RRM1: variants seen among roughly 807,000 people sequenced by gnomAD.
RRM1 encodes ribonucleoside-diphosphate reductase large subunit.
A neutral mutation model predicts 101.5 loss-of-function variants in RRM1; 19 were observed. That is an observed-to-expected ratio of 0.19 (90% CI 0.13 to 0.27). RRM1 has a LOEUF of 0.27. Ranked by LOEUF, RRM1 falls within the 10% of genes least tolerant of loss-of-function variation. The pLI is 1.00. For missense variants in RRM1, 500 were observed against 962.9 expected (o/e 0.52, Z 6.36); for synonymous variants, 298 against 323.4 (o/e 0.92, Z 0.84).
intron 12 of RRM1, among the ~76,000 whole-genome samples, chr11:4,124,823 C>G (rs2133312287): frequency 7.3e-6 from 1 of 136,330 alleles, no homozygotes. Context: ...ATGTACAATT[C>G]AGTGTTTTTT....
rs1007969856 is a variant in RRM1, at chr11:4,133,476, G to A, written c.1906-87G>A. On this transcript the variant is annotated intron_variant, in intron 16 of 18. Transcript: ENST00000300738. ...ATCTAGCATTAAATAACTCTTAAGTGATTTTAGTTTAAGCTTCAAAGCTGT... is the reference window on the plus strand; with the variant it reads ...ATCTAGCATTAAATAACTCTTAAGTAATTTTAGTTTAAGCTTCAAAGCTGT... 37 of 744,662 alleles carry A rather than the reference G, an allele frequency of 5.0e-5. No individual in the cohort carries two copies. In the African/African-American group the frequency reaches 5.9e-4, roughly 12 times the overall value. 46.1% of individuals were successfully genotyped at this position (744,662 alleles called of 1,614,324 possible). A position where few individuals can be genotyped will look rare whatever the true frequency, so the allele number is the denominator to read the frequency against.
intron 15 of RRM1, among the ~76,000 whole-genome samples, chr11:4,131,025 T>G (rs2094599221): frequency 6.6e-6 from 1 of 152,204 alleles, no homozygotes; most frequent in Non-Finnish European, 1.5e-5. Context: ...CCCAGTTGTA[T>G]TAGTCGATTC....
intron 1 of RRM1, 69 bp downstream of exon 1, chr11:4,095,100 C>T (rs2094541439): frequency 2.2e-6 from 3 of 1,366,086 alleles, no homozygotes; most frequent in Non-Finnish European, 9.9e-7. Flanking sequence ...GGAGCTGATG[C>T]CCAGACCGCC....
chr11:4,124,776 C>G (rs529479077), intron 12 of RRM1, among the ~76,000 whole-genome samples: 16 of 152,090 alleles, frequency 1.1e-4, no homozygotes, highest in Non-Finnish European at 1.9e-4. Context: ...AGAGTTCTTT[C>G]TTTTTGCAAA....
In RRM1 at chr11:4,128,161, C is replaced by CT. The variant is rs146980476; in HGVS notation, c.1693-895dup. On this transcript the variant is annotated intron_variant, in intron 14 of 18. Coordinates refer to ENST00000300738, the MANE Select transcript of RRM1 (RefSeq NM_001033.5). ...ATGTCCTCACCACCCCCCTGTCCCG[C>CT]TTTTTTTTTTTTTTTTTTGAGACAG... 6.3e-3 allele frequency among the ~76,000 whole-genome samples: 836 copies of CT among 133,004 alleles called. 3 individuals are homozygous for CT. The highest frequency in any genetic ancestry group is 9.9e-3 in the African/African-American group (351 of 35,488). The allele number at this position is 133,004 out of a possible 152,430, so 87.3% of individuals were successfully genotyped here. A position where few individuals can be genotyped will look rare whatever the true frequency, so the allele number is the denominator to read the frequency against.
chr11:4,108,556 C>G (rs868685577), intron 4 of RRM1, among the ~76,000 whole-genome samples: 1 of 137,300 alleles, frequency 7.3e-6, no homozygotes, highest in African/African-American at 2.7e-5. Context: ...CGAGATTGGG[C>G]CACTGCACTC....
intron 7 of RRM1, among the ~76,000 whole-genome samples, chr11:4,113,232 C>T (rs11031004): frequency 0.044 from 6,669 of 152,100 alleles, 272 homozygotes; most frequent in East Asian, 0.19. Context: ...CAGTTTAATG[C>T]TCTTTCATAA....
intron 2 of RRM1, among the ~76,000 whole-genome samples, chr11:4,102,516 G>A (rs1320841941): frequency 6.6e-6 from 1 of 151,962 alleles, no homozygotes; most frequent in African/African-American, 2.4e-5. Context: ...AAATTAGCCG[G>A]GCCTGGTGGT....
At position 4,123,302 on chromosome 11, in the gene RRM1, G is replaced by A. The variant is rs1157114737; in HGVS notation, c.1238G>A (p.Arg413Gln). The A allele has an allele frequency of 6.2e-6, 10 of 1,614,058 alleles. No homozygotes were observed. Among genetic ancestry groups the A allele is most frequent in the African/African-American group, 1.3e-5 (1 of 74,998 alleles). Reference sequence around the variant, plus strand: ...ATGCTCTACAAAGATTCCTGTAATCGAAAGAGCAACCAGCAGAACCTGGGA... The same window carrying A: ...ATGCTCTACAAAGATTCCTGTAATCAAAAGAGCAACCAGCAGAACCTGGGA... ...PYMLYKDSCN[R>Q]KSNQQNLGTI... Residue 413 changes from arginine to glutamine, a missense_variant, in exon 12 of 19, where the codon CGA becomes CAA. Arg to Gln is a conservative substitution (Grantham distance 43, BLOSUM62 1). This residue lies in a region of RRM1 where 80 missense variants were observed against 170.9 expected (regional missense o/e 0.47). Transcript: ENST00000300738.
intron 5 of RRM1, among the ~76,000 whole-genome samples, chr11:4,110,305 A>G (rs1362928639): frequency 1.3e-5 from 2 of 151,890 alleles, no homozygotes; most frequent in African/African-American, 4.8e-5. Flanking sequence ...GGCACACACC[A>G]CCATGCCCAG....
chr11:4,132,334 C>T lies in RRM1; in HGVS notation c.1818C>T (p.Ser606=), dbSNP rs748787824. The change falls in exon 16 of 19, where the codon TCC becomes TCT. Residue 606 remains serine, a synonymous_variant. Transcript: ENST00000300738. The surrounding 1 kb of genome is among the most constrained non-coding windows in gnomAD (Gnocchi z 4.1). ...SLLIAPMPTA[S]TAQILGNNES... ...TTATTGCCCCGATGCCTACAGCTTC[C>T]ACTGCTCAGATCCTGGGGAATAATG... 3.3e-5 allele frequency: 54 copies of T among 1,613,936 alleles called. No individual in the cohort carries two copies. Among genetic ancestry groups the T allele is most frequent in the Non-Finnish European group, 4.6e-5 (54 of 1,179,982 alleles).
In RRM1 at chr11:4,132,504, C is replaced by A; in HGVS notation, c.1905+83C>A. On this transcript the variant is annotated intron_variant, in intron 16 of 18. Transcript: ENST00000300738. This position sits in a 1 kb window ranked among gnomAD's most constrained non-coding sequence, Gnocchi z 4.1. Reference sequence around the variant, plus strand: ...TAAATGCTCACTCATGTTTAATTTGCCCATTTTCTTAGTTTGGGTGCAAAC... The same window carrying A: ...TAAATGCTCACTCATGTTTAATTTGACCATTTTCTTAGTTTGGGTGCAAAC... 6.8e-7 allele frequency: 1 copy of A among 1,469,730 alleles called. No homozygotes were observed. The highest frequency in any genetic ancestry group is 1.8e-5 in the Admixed American group (1 of 54,340). 91.0% of individuals were successfully genotyped at this position (1,469,730 alleles called of 1,614,324 possible). A position where few individuals can be genotyped will look rare whatever the true frequency, so the allele number is the denominator to read the frequency against.
chr11:4,117,934 A>G (rs2094575991), intron 7 of RRM1, among the ~76,000 whole-genome samples: 1 of 152,216 alleles, frequency 6.6e-6, no homozygotes, highest in Admixed American at 6.5e-5. Flanking sequence ...GATTATTTTC[A>G]TAAATGTTTG....
intron 14 of RRM1, among the ~76,000 whole-genome samples, chr11:4,127,669 G>A (rs2094592072): frequency 6.6e-6 from 1 of 152,180 alleles, no homozygotes; most frequent in African/African-American, 2.4e-5. Flanking sequence ...AACTATGAGA[G>A]AATAAATTTT....
At chr11:4,111,849 A>C (rs375890929) in intron 6 of RRM1, 51 bp from the exon 7 acceptor site, 1 of 1,545,800 alleles carries the variant, frequency 6.5e-7, no homozygotes, top group South Asian at 1.2e-5. Flanking sequence ...ACGTATCTCA[A>C]CCTACTTTTT....
chr11:4,138,236 G>A lies in RRM1; in HGVS notation c.2232G>A (p.Ala744=), dbSNP rs1042858. 0.92 allele frequency: 1,463,477 copies of A among 1,595,348 alleles called. 673,027 individuals are homozygous for A. Among genetic ancestry groups the A allele is most frequent in the South Asian group, 0.94 (85,033 of 90,356 alleles). Residue 744 remains alanine (A), a synonymous_variant, in exon 19 of 19, where the codon GCG becomes GCA. Transcript: ENST00000300738. ...TGMYYLRTRP[A]ANPIQFTLNK... is the part of the protein sequence containing the mutation. ...TGTATTATTTAAGGACAAGACCAGC[G>A]GCTAATCCAATCCAGTTCACTCTAA...
intron 15 of RRM1, among the ~76,000 whole-genome samples, chr11:4,131,037 C>T (rs901142910): frequency 3.3e-5 from 5 of 152,194 alleles, no homozygotes; most frequent in Non-Finnish European, 7.3e-5. Flanking sequence ...AGTCGATTCT[C>T]ACACAGTTAT....
At chr11:4,136,876 G>T (rs2094611348) in intron 18 of RRM1, among the ~76,000 whole-genome samples, 1 of 151,882 alleles carries the variant, frequency 6.6e-6, no homozygotes, top group Non-Finnish European at 1.5e-5. Context: ...ATAAACAAGT[G>T]AACAAAGGTC....
chr11:4,101,790 CTG>C, intron 1 of RRM1: 1 of 514,968 alleles, frequency 1.9e-6, no homozygotes, highest in Non-Finnish European at 3.4e-6. Flanking sequence ...AAACGTCTGT[CTG>C]TATAGAATTC....
Sources: allele counts gnomAD v4.1 joint callset (sites outside exome capture counted in the v4.1 genomes callset), GRCh38; gene constraint gnomAD v4.1.1; regional missense constraint gnomAD v4.1.1; non-coding constraint Gnocchi (gnomAD v3.1); transcripts MANE v1.5; gene names NCBI Gene and HGNC (gene_info 2026-07-23, HGNC 2026-07-21).